The following GRM7 variants were observed in gnomAD, a reference collection of about 807,000 sequenced individuals.
GRM7 encodes the protein metabotropic glutamate receptor 7.
Under a neutral mutation model 84.5 loss-of-function variants are expected in GRM7, and 35 were observed. The observed-to-expected ratio is 0.41, with a 90% CI of 0.32 to 0.55. The LOEUF is 0.55. Among genes scored for constraint, GRM7 ranks in the 20% least tolerant of loss-of-function variants. The pLI, the probability that GRM7 is intolerant of heterozygous loss-of-function variation, is 0.19. For missense variants in GRM7, 1,003 were observed against 1,194.6 expected (o/e 0.84, Z 2.36); for synonymous variants, 487 against 455.1 (o/e 1.07, Z -0.89).
At chr3:6,994,023 A>G (rs367683928) in intron 1 of GRM7, among the ~76,000 whole-genome samples, 9 of 152,316 alleles carry the variant, frequency 5.9e-5, no homozygotes, top group African/African-American at 2.2e-4. Context: ...ATAGAAAACG[A>G]TAATTGATTT....
chr3:7,440,934 G>A (rs1697261695), intron 5 of GRM7, among the ~76,000 whole-genome samples: 1 of 152,102 alleles, frequency 6.6e-6, no homozygotes, highest in Admixed American at 6.6e-5. Flanking sequence ...CTTTGCTATT[G>A]TGAATAGCGC....
At chr3:6,965,104 C>T (rs1327548333) in intron 1 of GRM7, among the ~76,000 whole-genome samples, 2 of 152,104 alleles carry the variant, frequency 1.3e-5, no homozygotes, top group African/African-American at 2.4e-5. Flanking sequence ...TGCTGCTTCT[C>T]TGGTACTCAG....
chr3:7,056,687 C>CA (rs535972847), intron 1 of GRM7, among the ~76,000 whole-genome samples: 13 of 151,370 alleles, frequency 8.6e-5, no homozygotes, highest in African/African-American at 2.2e-4. Context: ...ATGAGGTCTC[C>CA]AAAAAAAACT....
chr3:7,116,353 A>G (rs1377203250), intron 1 of GRM7, among the ~76,000 whole-genome samples: 2 of 152,128 alleles, frequency 1.3e-5, no homozygotes, highest in African/African-American at 4.8e-5. Flanking sequence ...CATTGTAGAC[A>G]CTTCTATTTG....
In GRM7 at chr3:6,945,160, C is replaced by A. The variant is rs1193568206; in HGVS notation, c.519+83253C>A. Among the ~76,000 whole-genome samples the A allele has an allele frequency of 3.3e-5, 5 of 152,068 alleles. No individual in the cohort carries two copies. The East Asian group carries it at 9.7e-4, about 29-fold the overall frequency. On this transcript the variant is annotated intron_variant, in intron 1 of 9. Coordinates refer to ENST00000357716, the MANE Select transcript of GRM7 (RefSeq NM_000844.4). ...ATGTGCCATGTTGGTGTGATGCACC[C>A]ATTAACTCGTCATTTAGCATTAGTT...
chr3:7,034,615 T>C (rs1193258479), intron 1 of GRM7, among the ~76,000 whole-genome samples: 1 of 152,202 alleles, frequency 6.6e-6, no homozygotes, highest in Non-Finnish European at 1.5e-5. Context: ...ATTTGAGAAC[T>C]ATAAGTCCTA....
intron 1 of GRM7, among the ~76,000 whole-genome samples, chr3:6,913,106 G>C (rs1696827131): frequency 6.6e-6 from 1 of 152,046 alleles, no homozygotes; most frequent in South Asian, 2.1e-4. Flanking sequence ...CTAATCATTT[G>C]ATACTCAAAG....
At chr3:7,602,550 C>T (rs56258066) in intron 8 of GRM7, among the ~76,000 whole-genome samples, 43,041 of 152,012 alleles carry the variant, frequency 0.28, 6,324 homozygotes, top group Non-Finnish European at 0.33. Flanking sequence ...ACATCTCTTC[C>T]GTGCTCTCCC....
At chr3:7,541,081 G>C (rs1040175623) in intron 7 of GRM7, among the ~76,000 whole-genome samples, 1 of 152,052 alleles carries the variant, frequency 6.6e-6, no homozygotes, top group Non-Finnish European at 1.5e-5. Context: ...TGATATGGGG[G>C]CCAGGAAAAG....
At chr3:6,996,752 T>C (rs879704583) in intron 1 of GRM7, among the ~76,000 whole-genome samples, 2 of 152,200 alleles carry the variant, frequency 1.3e-5, no homozygotes, top group Non-Finnish European at 2.9e-5. Context: ...CTGTCATTCA[T>C]GTTGCTGATT....
rs114148076 is a variant in GRM7 at position 7,350,445 on chromosome 3, G to T, written c.1033+43793G>T. Among the ~76,000 whole-genome samples the T allele has an allele frequency of 8.8e-3, 1,338 of 151,920 alleles. 23 individuals are homozygous for T. Among genetic ancestry groups the T allele is most frequent in the African/African-American group, 0.031 (1,268 of 41,450 alleles). ...GTACCTCCCACTTCTCTTCCTCCTGGTCTGGCCATGTAAAACATGCCTGCT... is the reference window on the plus strand; with the variant it reads ...GTACCTCCCACTTCTCTTCCTCCTGTTCTGGCCATGTAAAACATGCCTGCT... On this transcript the variant is annotated intron_variant, in intron 4 of 9. Transcript: ENST00000357716.
intron 8 of GRM7, among the ~76,000 whole-genome samples, chr3:7,585,968 G>A (rs2125059129): frequency 6.6e-6 from 1 of 152,168 alleles, no homozygotes; most frequent in South Asian, 2.1e-4. Context: ...TCTTCTTCTG[G>A]TCCTAGAAGC....
At chr3:7,236,545 T>C (rs1050450851) in intron 2 of GRM7, among the ~76,000 whole-genome samples, 1 of 152,186 alleles carries the variant, frequency 6.6e-6, no homozygotes, top group Non-Finnish European at 1.5e-5. Flanking sequence ...GCCAATAGAA[T>C]GTGGCGGAAG....
chr3:7,116,066 G>A (rs1302830343), intron 1 of GRM7, among the ~76,000 whole-genome samples: 2 of 152,142 alleles, frequency 1.3e-5, no homozygotes, highest in African/African-American at 4.8e-5. Context: ...TCTAAATTGG[G>A]AGGTTTGTTT....
At chr3:7,583,892 A>T (rs188067774) in intron 8 of GRM7, among the ~76,000 whole-genome samples, 11 of 152,320 alleles carry the variant, frequency 7.2e-5, no homozygotes, top group African/African-American at 2.2e-4. Flanking sequence ...TGATGCAGAG[A>T]TAAAACAGTG....
intron 8 of GRM7, among the ~76,000 whole-genome samples, chr3:7,629,342 AC>A (rs1357406663): frequency 6.6e-6 from 1 of 152,172 alleles, no homozygotes; most frequent in East Asian, 1.9e-4. Context: ...TTTTTCTTGC[AC>A]TTTTGGAGGC....
intron 4 of GRM7, among the ~76,000 whole-genome samples, chr3:7,363,575 T>A (rs1197254954): frequency 6.6e-6 from 1 of 152,108 alleles, no homozygotes; most frequent in Non-Finnish European, 1.5e-5. Context: ...AATAATGTAT[T>A]CCCCAATATT....
intron 8 of GRM7, among the ~76,000 whole-genome samples, chr3:7,674,524 T>G (rs1575617506): frequency 6.6e-6 from 1 of 152,224 alleles, no homozygotes. Flanking sequence ...AAATACAAAT[T>G]GTATAATATG....
intron 7 of GRM7, among the ~76,000 whole-genome samples, chr3:7,572,867 T>A (rs867236484): frequency 0.012 from 713 of 57,644 alleles, 161 homozygotes; most frequent in African/African-American, 0.039. Flanking sequence ...TATATATATA[T>A]ATATATATAT....
Sources: gnomAD v4.1 joint callset for allele counts (sites outside exome capture counted in the v4.1 genomes callset) on GRCh38, gnomAD v4.1.1 for gene constraint, MANE v1.5 for transcripts, NCBI Gene and HGNC (gene_info 2026-07-23, HGNC 2026-07-21) for gene names.